The following SHROOM3 variants were observed in gnomAD, a reference collection of about 807,000 sequenced individuals.
SHROOM3 encodes the protein protein Shroom3.
A neutral mutation model predicts 138.6 loss-of-function variants in SHROOM3; 47 were observed. The observed-to-expected ratio is 0.34, with a 90% confidence interval of 0.27 to 0.43. The LOEUF (loss-of-function observed/expected upper bound fraction) is 0.43, where lower values mean the gene tolerates loss of function less well. Ranked by LOEUF, SHROOM3 falls within the 20% of genes least tolerant of loss-of-function variation. The probability of loss-of-function intolerance (pLI) is 1.00; values close to 1 mark genes in which losing one functional copy is unlikely to be tolerated. For missense variants in SHROOM3, 2,491 were observed against 2,596.5 expected (o/e 0.96, Z 0.88); for synonymous variants, 1,062 against 1,063.3 (o/e 1.00, Z 0.02).
intron 9 of SHROOM3, among the ~76,000 whole-genome samples, chr4:76,769,268 A>G (rs956081190): frequency 1.3e-5 from 2 of 151,428 alleles, no homozygotes; most frequent in African/African-American, 4.8e-5. Context: ...ACACACACCA[A>G]TTATATATAT....
intron 2 of SHROOM3, among the ~76,000 whole-genome samples, chr4:76,563,929 G>A (rs1165447039): frequency 6.6e-6 from 1 of 152,200 alleles, no homozygotes. Flanking sequence ...TGAAGGGGCA[G>A]GAAGGCAGTG....
chr4:76,570,725 C>T (rs1246464059), intron 2 of SHROOM3, among the ~76,000 whole-genome samples: 1 of 152,092 alleles, frequency 6.6e-6, no homozygotes, highest in Non-Finnish European at 1.5e-5. Context: ...AGAAAATGCT[C>T]AGAAAAGGCG....
At chr4:76,639,313 TC>T (rs1285899065) in intron 2 of SHROOM3, among the ~76,000 whole-genome samples, 1 of 152,178 alleles carries the variant, frequency 6.6e-6, no homozygotes, top group Non-Finnish European at 1.5e-5. Context: ...TGAATATTTC[TC>T]CAAAAAGTGC....
Position 76,756,882 on chromosome 4 carries a change from G to A in SHROOM3, c.5143G>A (p.Val1715Ile). 6.2e-7 allele frequency: 1 copy of A among 1,614,180 alleles called. No individual in the cohort carries two copies. The highest frequency in any genetic ancestry group is 2.2e-5 in the East Asian group (1 of 44,878). Residue 1715 changes from valine to isoleucine, a missense_variant, in exon 8 of 11, where the codon GTA becomes ATA. Physicochemically the swap from Val to Ile is conservative, Grantham distance 29. Around this residue, in one of 4 missense-constraint regions of SHROOM3, gnomAD observed 470 missense variants for 595.0 expected, o/e 0.79. Coordinates refer to ENST00000296043, the MANE Select transcript of SHROOM3 (RefSeq NM_020859.4). Reference protein sequence around the residue: ...RDVNLLKENSVKRKAIQRTVS... With the variant: ...RDVNLLKENSIKRKAIQRTVS... ...TGTGAACTTGCTGAAGGAAAACAGT[G>A]TAAAGAGGAAGGCCATACAGAGAAC...
chr4:76,760,101 A>T (rs1341898542), intron 9 of SHROOM3, among the ~76,000 whole-genome samples: 1 of 152,230 alleles, frequency 6.6e-6, no homozygotes, highest in Non-Finnish European at 1.5e-5. Context: ...GGAAAATTTT[A>T]AAATCTAGAA....
chr4:76,709,441 C>T (rs986465042), intron 2 of SHROOM3, among the ~76,000 whole-genome samples: 2 of 152,196 alleles, frequency 1.3e-5, no homozygotes, highest in African/African-American at 4.8e-5. Context: ...CTGTCACTGT[C>T]CTAAGGAGAA....
chr4:76,606,728 A>ATACG (rs1171716907), intron 2 of SHROOM3, among the ~76,000 whole-genome samples: 3 of 152,094 alleles, frequency 2.0e-5, no homozygotes, highest in Non-Finnish European at 4.4e-5. Context: ...ACATACATAC[A>ATACG]TACGTACATA....
At chr4:76,631,125 G>A (rs56074061) in intron 2 of SHROOM3, among the ~76,000 whole-genome samples, 10,288 of 151,648 alleles carry the variant, frequency 0.068, 1,164 homozygotes, top group African/African-American at 0.23. Context: ...AAAATGGAAC[G>A]GGGTCTTGGG....
chr4:76,675,878 G>C (rs558474998), intron 2 of SHROOM3, among the ~76,000 whole-genome samples: 1 of 152,148 alleles, frequency 6.6e-6, no homozygotes, highest in South Asian at 2.1e-4. Flanking sequence ...CATTAGATAC[G>C]TAGTTAGAGG....
At chr4:76,729,384 C>G (rs750148453) in intron 3 of SHROOM3, among the ~76,000 whole-genome samples, 12 of 152,112 alleles carry the variant, frequency 7.9e-5, no homozygotes, top group Non-Finnish European at 1.5e-4. Flanking sequence ...ACTACAGACT[C>G]CTTCAATTCA....
intron 1 of SHROOM3, among the ~76,000 whole-genome samples, chr4:76,536,605 T>G (rs1732958971): frequency 6.6e-6 from 1 of 152,212 alleles, no homozygotes; most frequent in Admixed American, 6.5e-5. Context: ...TTGTCTTATC[T>G]GTAAAATAAA....
At chr4:76,451,328 C>T (rs1730922276) in intron 1 of SHROOM3, among the ~76,000 whole-genome samples, 1 of 152,044 alleles carries the variant, frequency 6.6e-6, no homozygotes, top group Non-Finnish European at 1.5e-5. Flanking sequence ...GTCACAGAGT[C>T]CTAATTATTC....
At chr4:76,564,356 T>C (rs1231610486) in intron 2 of SHROOM3, among the ~76,000 whole-genome samples, 1 of 152,210 alleles carries the variant, frequency 6.6e-6, no homozygotes, top group African/African-American at 2.4e-5. Context: ...TGCAGTGGCC[T>C]CTGACCCCCA....
At chr4:76,655,053 G>T (rs1736037437) in intron 2 of SHROOM3, among the ~76,000 whole-genome samples, 1 of 152,186 alleles carries the variant, frequency 6.6e-6, no homozygotes, top group Non-Finnish European at 1.5e-5. Flanking sequence ...TGGCCTTTAT[G>T]CTTGGCCAGT....
intron 3 of SHROOM3, among the ~76,000 whole-genome samples, chr4:76,721,247 C>T (rs1720543897): frequency 6.6e-6 from 1 of 150,556 alleles, no homozygotes; most frequent in Non-Finnish European, 1.5e-5. Flanking sequence ...GGAGGCGGAG[C>T]TTGCAGTGAG....
At chr4:76,559,592 G>A (rs1461846099) in intron 2 of SHROOM3, 3 of 152,150 alleles carry the variant, frequency 2.0e-5, no homozygotes, top group East Asian at 3.8e-4. Flanking sequence ...TGGCAGCCAT[G>A]TACCTGCCTC....
At chr4:76,649,432 T>C (rs1181203716) in intron 2 of SHROOM3, among the ~76,000 whole-genome samples, 1 of 152,202 alleles carries the variant, frequency 6.6e-6, no homozygotes, top group African/African-American at 2.4e-5. Context: ...AGCAAAATGA[T>C]TTTTAATGAA....
chr4:76,447,043 A>G (rs1730821487), intron 1 of SHROOM3, among the ~76,000 whole-genome samples: 1 of 152,146 alleles, frequency 6.6e-6, no homozygotes, highest in South Asian at 2.1e-4. Flanking sequence ...AACTTCACGT[A>G]CAGTTGTTAC....
chr4:76,443,875 T>A (rs564736234), intron 1 of SHROOM3, among the ~76,000 whole-genome samples: 2 of 152,294 alleles, frequency 1.3e-5, no homozygotes, highest in African/African-American at 4.8e-5. Context: ...TTCCTCAATA[T>A]CTATTTGTTT....
Sources: gnomAD v4.1 joint callset for allele counts (sites outside exome capture counted in the v4.1 genomes callset) on GRCh38, gnomAD v4.1.1 for gene constraint, gnomAD v4.1.1 regional missense constraint, MANE v1.5 for transcripts, NCBI Gene and HGNC (gene_info 2026-07-23, HGNC 2026-07-21) for gene names.